ADGRV1: variants seen among roughly 807,000 people sequenced by gnomAD.
The protein encoded by ADGRV1 is adhesion G protein-coupled receptor V1.
A neutral mutation model predicts 596.2 loss-of-function variants in ADGRV1; 359 were observed. The ratio of observed to expected loss-of-function variants is 0.60; its 90% CI spans 0.55 to 0.66. ADGRV1 has a LOEUF of 0.66. ADGRV1 is among the 30% of genes least tolerant of loss of function. The pLI is 0.00. For missense variants in ADGRV1, 7,274 were observed against 7,575.6 expected (o/e 0.96, Z 1.48); for synonymous variants, 2,681 against 2,679.2 (o/e 1.00, Z -0.02).
In ADGRV1 at chr5:90,629,421, T is replaced by C. The variant is rs1326011244; in HGVS notation, c.1721T>C (p.Ile574Thr). Residue 574 changes from isoleucine to threonine, a missense_variant, in exon 9 of 90, where the codon ATC becomes ACC. Ile to Thr is a moderately conservative substitution (Grantham distance 89). Around this residue, in one of 5 missense-constraint regions of ADGRV1, gnomAD observed 1,715 missense variants for 1,708.8 expected, o/e 1.00. Coordinates refer to ENST00000405460, the MANE Select transcript of ADGRV1 (RefSeq NM_032119.4). ...GACCCCTTGCAAGCAAAAGAAGGCA[T>C]CTTAAATATATCAAGGAGAAATGAC... Reference protein sequence around the residue: ...AVDPLQAKEGILNISRRNDLI... With the variant: ...AVDPLQAKEGTLNISRRNDLI... 6.2e-7 allele frequency: 1 copy of C among 1,613,702 alleles called. No homozygotes were observed. The highest frequency in any genetic ancestry group is 8.5e-7 in the Non-Finnish European group (1 of 1,179,796).
intron 87 of ADGRV1, among the ~76,000 whole-genome samples, chr5:91,148,490 G>A (rs1373298233): frequency 8.5e-5 from 13 of 152,238 alleles, no homozygotes. Flanking sequence ...TGCTGGTCCT[G>A]TGGGTACACA....
At chr5:90,644,066 T>A in intron 14 of ADGRV1, 83 bp downstream of exon 14, 5 of 961,968 alleles carry the variant, frequency 5.2e-6, no homozygotes, top group Non-Finnish European at 7.4e-6. Context: ...TAGTAACTAG[T>A]TATTTCTAGT....
chr5:90,753,682 A>G lies in ADGRV1; in HGVS notation c.11230A>G (p.Thr3744Ala), dbSNP rs1328442273. The G allele has an allele frequency of 6.2e-7, 1 of 1,613,700 alleles. No homozygotes were observed. The highest frequency in any genetic ancestry group is 1.1e-5 in the South Asian group (1 of 91,068). ...GATTGTAACCCTCACCCGTATCACC[A>G]CAGAAGGGGTTGAGGACTCATACAA... ...VVIVTLTRIT[T>A]EGVEDSYKGA... Residue 3744 changes from threonine (T) to alanine (A), a missense_variant, in exon 54 of 90, where the codon ACA becomes GCA. By Grantham distance (58) the Thr-to-Ala change is moderately conservative. This residue lies in a region of ADGRV1 where 3,643 missense variants were observed against 3,809.2 expected (regional missense o/e 0.96). Transcript: ENST00000405460.
At chr5:91,099,722 A>T (rs1791200958) in intron 86 of ADGRV1, among the ~76,000 whole-genome samples, 1 of 152,174 alleles carries the variant, frequency 6.6e-6, no homozygotes, top group Non-Finnish European at 1.5e-5. Context: ...TGAGAAGTAG[A>T]TCTCTTACCA....
intron 31 of ADGRV1, among the ~76,000 whole-genome samples, chr5:90,691,341 A>G (rs967968864): frequency 1.3e-5 from 2 of 150,920 alleles, no homozygotes; most frequent in African/African-American, 2.4e-5. Context: ...ATACACATAT[A>G]TAGTCTTAAT....
intron 83 of ADGRV1, among the ~76,000 whole-genome samples, chr5:90,951,141 A>G (rs1289671279): frequency 6.6e-6 from 1 of 152,160 alleles, no homozygotes; most frequent in Non-Finnish European, 1.5e-5. Flanking sequence ...CAAGTAGGAA[A>G]CATTTCATTG....
At chr5:90,623,484 T>TC (rs1764354616) in intron 5 of ADGRV1, among the ~76,000 whole-genome samples, 2 of 152,136 alleles carry the variant, frequency 1.3e-5, no homozygotes, top group South Asian at 4.1e-4. Flanking sequence ...CTATCATGGC[T>TC]CACTGCAGCC....
chr5:90,742,635 G>A (rs1451449381), intron 50 of ADGRV1, among the ~76,000 whole-genome samples: 1 of 152,170 alleles, frequency 6.6e-6, no homozygotes, highest in African/African-American at 2.4e-5. Flanking sequence ...GTGCGCACGG[G>A]TGTGCATGCA....
chr5:91,026,577 G>A (rs987550379), intron 85 of ADGRV1, among the ~76,000 whole-genome samples: 2 of 152,052 alleles, frequency 1.3e-5, no homozygotes, highest in African/African-American at 2.4e-5. Flanking sequence ...CAGTTATGGA[G>A]GGAAAGTGGA....
At chr5:91,161,831 G>T (rs1045215545) in intron 89 of ADGRV1, among the ~76,000 whole-genome samples, 1 of 152,134 alleles carries the variant, frequency 6.6e-6, no homozygotes, top group Admixed American at 6.6e-5. Flanking sequence ...TTGAGGAGAT[G>T]GAAAAATAAG....
chr5:90,778,866 T>C lies in ADGRV1; in HGVS notation c.12851T>C (p.Val4284Ala). ...AATAAGAAAATGCATTTTGCATAGG[T>C]TAACATCACAATCATCCGTTCCAGT... ...EQLRVSEAQR[V>A]NITIIRSSGD... Residue 4284 changes from valine (V) to alanine (A), a missense_variant and splice_region_variant, in exon 64 of 90, where the codon GTT becomes GCT. Val to Ala is a moderately conservative substitution (Grantham distance 64). This residue lies in a region of ADGRV1 where 3,643 missense variants were observed against 3,809.2 expected (regional missense o/e 0.96). Coordinates refer to ENST00000405460, the MANE Select transcript of ADGRV1 (RefSeq NM_032119.4). 3.7e-6 allele frequency: 6 copies of C among 1,608,950 alleles called. No individual in the cohort carries two copies. The highest frequency in any genetic ancestry group is 5.1e-6 in the Non-Finnish European group (6 of 1,175,930).
chr5:91,120,865 C>A (rs991756967), intron 87 of ADGRV1, among the ~76,000 whole-genome samples: 5 of 152,070 alleles, frequency 3.3e-5, no homozygotes, highest in Non-Finnish European at 5.9e-5. Context: ...CTGTGGGAGA[C>A]AGAAGAGATA....
At chr5:90,848,239 C>T (rs1287566799) in intron 78 of ADGRV1, among the ~76,000 whole-genome samples, 2 of 152,060 alleles carry the variant, frequency 1.3e-5, no homozygotes, top group East Asian at 1.9e-4. Flanking sequence ...CTATTATAAA[C>T]AAATATTCTT....
chr5:91,119,418 G>C (rs1007858355), intron 87 of ADGRV1, among the ~76,000 whole-genome samples: 2 of 152,174 alleles, frequency 1.3e-5, no homozygotes, highest in Non-Finnish European at 2.9e-5. Context: ...GAGTCTTACA[G>C]CTGCAGGCCC....
rs566316750 is a variant in ADGRV1, at chr5:90,619,930, C to A, written c.453+749C>A. 3.5e-3 allele frequency among the ~76,000 whole-genome samples: 528 copies of A among 152,132 alleles called. 3 individuals are homozygous for A. The highest frequency in any genetic ancestry group is 4.9e-3 in the Non-Finnish European group (334 of 68,012). On this transcript the variant is annotated intron_variant, in intron 4 of 89. Coordinates refer to ENST00000405460, the MANE Select transcript of ADGRV1 (RefSeq NM_032119.4). Reference sequence around the variant, plus strand: ...TCCATGTCCCTACAAAGGACATGAACTCATCATTTTTTATGGCTGCATAGT... The same window carrying A: ...TCCATGTCCCTACAAAGGACATGAAATCATCATTTTTTATGGCTGCATAGT...
intron 50 of ADGRV1, among the ~76,000 whole-genome samples, chr5:90,730,540 G>A (rs1752422536): frequency 6.6e-6 from 1 of 152,004 alleles, no homozygotes; most frequent in Non-Finnish European, 1.5e-5. Context: ...TCCTTTCTTG[G>A]TCTTCTGTAC....
chr5:90,653,161 A>G, intron 19 of ADGRV1, 48 bp from the exon 20 acceptor site: 1 of 1,484,384 alleles, frequency 6.7e-7, no homozygotes, highest in South Asian at 1.4e-5. Flanking sequence ...ATTATACTAG[A>G]AAGTACTTGA....
chr5:90,791,271 C>T lies in ADGRV1; in HGVS notation c.14442C>T (p.Thr4814=), dbSNP rs771488818. 39 of 1,607,978 alleles carry T rather than the reference C, an allele frequency of 2.4e-5. No homozygotes were observed. In the South Asian group the frequency reaches 3.6e-4, roughly 15 times the overall value. ...SSDHKEQPIV[T]ENAERQLVVK... is the part of the protein sequence containing the mutation. ...ATCATAAAGAACAGCCGATTGTTAC[C>T]GAAAATGCAGAGAGGCAGCTGGTGG... The change falls in exon 70 of 90, where the codon ACC becomes ACT. Residue 4814 remains threonine (T), a synonymous_variant. Transcript: ENST00000405460.
chr5:90,571,424 G>C (rs2151956128), intron 1 of ADGRV1, among the ~76,000 whole-genome samples: 1 of 152,164 alleles, frequency 6.6e-6, no homozygotes, highest in East Asian at 1.9e-4. Context: ...TCATCTTCTA[G>C]GTTCTAGGAA....
Sources: allele counts gnomAD v4.1 joint callset (sites outside exome capture counted in the v4.1 genomes callset), GRCh38; gene constraint gnomAD v4.1.1; regional missense constraint gnomAD v4.1.1; transcripts MANE v1.5; gene names NCBI Gene and HGNC (gene_info 2026-07-23, HGNC 2026-07-21).